The following ALDH3B1 variants were observed in gnomAD, a reference collection of about 807,000 sequenced individuals.
ALDH3B1 encodes aldehyde dehydrogenase 3 family member B1.
Under a neutral mutation model 46.2 loss-of-function variants are expected in ALDH3B1, and 37 were observed. The observed-to-expected ratio is 0.80, with a 90% confidence interval of 0.62 to 1.05. The LOEUF is 1.05. ALDH3B1 is among the 50% of genes least tolerant of loss of function. The pLI is 0.00. For missense variants in ALDH3B1, 603 were observed against 665.5 expected (o/e 0.91, Z 1.03); for synonymous variants, 283 against 281.0 (o/e 1.01, Z -0.07).
intron 6 of ALDH3B1, among the ~76,000 whole-genome samples, chr11:68,020,353 C>T (rs1406282356): frequency 1.3e-5 from 2 of 152,206 alleles, no homozygotes; most frequent in South Asian, 2.1e-4. Flanking sequence ...CATGCCTCAG[C>T]TTCCCAAGTA....
Position 68,026,124 on chromosome 11 carries a change from C to T in ALDH3B1, c.1216+16C>T, listed in dbSNP as rs916406321. ...GGAGGAGTGGGTAGGTGCCTGCTAC[C>T]CTGCCCTTCTGTTACCATTTGGTCA... On this transcript the variant is annotated intron_variant, in intron 9 of 9. Coordinates refer to ENST00000342456, the MANE Select transcript of ALDH3B1 (RefSeq NM_000694.4). 3 of 1,581,998 alleles carry T rather than the reference C, an allele frequency of 1.9e-6. No individual in the cohort carries two copies. Among genetic ancestry groups the T allele is most frequent in the Non-Finnish European group, 2.6e-6 (3 of 1,163,416 alleles).
At chr11:68,009,097 C>T (rs1351489082), upstream of ALDH3B1, among the ~76,000 whole-genome samples, 1 of 152,214 alleles carries the variant, frequency 6.6e-6, no homozygotes, top group Non-Finnish European at 1.5e-5. Context: ...GCAGAGGGGA[C>T]ATCCGAAACG....
chr11:68,017,629 A>G (rs1857380051), intron 2 of ALDH3B1: 1 of 152,186 alleles, frequency 6.6e-6, no homozygotes, highest in African/African-American at 2.4e-5. Flanking sequence ...CGAGAGCAGG[A>G]CAATGTCCCT....
At chr11:68,023,267 G>A (rs1210020048) in intron 8 of ALDH3B1, among the ~76,000 whole-genome samples, 8 of 118,764 alleles carry the variant, frequency 6.7e-5, no homozygotes, top group Admixed American at 1.8e-4. Flanking sequence ...CCCCTTCCCC[G>A]GCCCTCAGCC....
intron 1 of ALDH3B1, among the ~76,000 whole-genome samples, chr11:68,012,849 A>G (rs1005649273): frequency 2.6e-5 from 4 of 152,072 alleles, no homozygotes; most frequent in African/African-American, 9.7e-5. Context: ...TGGGTTTTCC[A>G]ATGTGAGGAG....
chr11:68,015,092 T>C, intron 1 of ALDH3B1: 1 of 524,842 alleles, frequency 1.9e-6, no homozygotes, highest in Admixed American at 3.6e-5. Context: ...CTGGGAGTGC[T>C]CACTGTTGGG....
chr11:68,018,592 G>A lies in ALDH3B1; in HGVS notation c.228G>A (p.Arg76=), dbSNP rs1319731995. 6.3e-7 allele frequency: 1 copy of A among 1,583,266 alleles called. No homozygotes were observed. The highest frequency in any genetic ancestry group is 1.8e-5 in the Admixed American group (1 of 55,378). Residue 76 remains arginine (R), a synonymous_variant, in exon 3 of 10, where the codon AGG becomes AGA. Transcript: ENST00000342456. Reference sequence around the variant, plus strand: ...AGGGCGAGGTCACCCTGGCCCTCAGGAACCTCCGGGCCTGGATGAAGGACG... The same window carrying A: ...AGGGCGAGGTCACCCTGGCCCTCAGAAACCTCCGGGCCTGGATGAAGGACG... ...ISQGEVTLAL[R]NLRAWMKDER...
chr11:68,026,806 T>G (rs930736318), intron 9 of ALDH3B1, among the ~76,000 whole-genome samples: 1 of 152,216 alleles, frequency 6.6e-6, no homozygotes, highest in African/African-American at 2.4e-5. Context: ...CCAGGCAAGC[T>G]GCCTCAGGTG....
At chr11:68,014,571 G>A (rs769498724) in intron 1 of ALDH3B1, among the ~76,000 whole-genome samples, 21 of 152,162 alleles carry the variant, frequency 1.4e-4, no homozygotes, top group East Asian at 3.9e-4. Flanking sequence ...CCTCTCCCCC[G>A]CCCTGATCCT....
Position 68,022,776 on chromosome 11 carries a change from G to A in ALDH3B1, c.1116+15G>A, listed in dbSNP as rs373603691. The stretch of plus-strand genomic sequence containing the variant: ...ACAGCAGCCAGGTGGGGGTGCGGCC[G>A]GGCTGGGCAGGGTCAGGAGCCCGCA... On this transcript the variant is annotated intron_variant, in intron 8 of 9. Transcript: ENST00000342456. 4.1e-5 allele frequency: 66 copies of A among 1,612,884 alleles called. No homozygotes were observed. The highest frequency in any genetic ancestry group is 9.9e-5 in the South Asian group (9 of 91,050).
In ALDH3B1 at chr11:68,021,827, G is replaced by T. The variant is rs769230507; in HGVS notation, c.905G>T (p.Arg302Leu). 31 of 1,613,646 alleles carry T rather than the reference G, an allele frequency of 1.9e-5. No individual in the cohort carries two copies. The Middle Eastern group carries it at 4.9e-4, about 26-fold the overall frequency. Residue 302 changes from arginine to leucine, a missense_variant, in exon 7 of 10, where the codon CGT becomes CTT. Coordinates refer to ENST00000342456, the MANE Select transcript of ALDH3B1 (RefSeq NM_000694.4). ...CTGCGGGCATTGCTGGGCTGCGGCC[G>T]TGTGGCCATTGGGGGCCAGAGCGAT... ...QRLRALLGCG[R>L]VAIGGQSDES...
chr11:68,010,599 G>A (rs1857209302), intron 1 of ALDH3B1, among the ~76,000 whole-genome samples: 1 of 152,188 alleles, frequency 6.6e-6, no homozygotes, highest in Non-Finnish European at 1.5e-5. Context: ...GTGGCAGCGA[G>A]GTCCCGGGCA....
upstream of ALDH3B1, among the ~76,000 whole-genome samples, chr11:68,009,019 A>G (rs1857179719): frequency 2.0e-5 from 3 of 152,074 alleles, no homozygotes; most frequent in South Asian, 6.2e-4. Flanking sequence ...GACTACAGGA[A>G]CCACCAAGGC....
rs142017671 is a variant in ALDH3B1 at position 68,023,595 on chromosome 11, G to A, written c.1116+834G>A. ...GCTGGGATTACAGGGATGAGCCACC[G>A]TGCCCGGCCACTTGAACTTTTTTTA... On this transcript the variant is annotated intron_variant, in intron 8 of 9. Coordinates refer to ENST00000342456, the MANE Select transcript of ALDH3B1 (RefSeq NM_000694.4). Among the ~76,000 whole-genome samples, 1,241 of 150,452 alleles carry A rather than the reference G, an allele frequency of 8.2e-3. 20 individuals are homozygous for A. Among genetic ancestry groups the A allele is most frequent in the African/African-American group, 0.029 (1,179 of 41,102 alleles).
chr11:68,012,041 G>T (rs952206986), intron 1 of ALDH3B1, among the ~76,000 whole-genome samples: 10 of 152,228 alleles, frequency 6.6e-5, no homozygotes, highest in African/African-American at 2.4e-4. Flanking sequence ...ATGCCATGCT[G>T]GGAGGATGCT....
At chr11:68,021,456 C>G in intron 6 of ALDH3B1, 29 bp from the exon 7 acceptor site, 1 of 1,587,546 alleles carries the variant, frequency 6.3e-7, no homozygotes, top group Non-Finnish European at 8.6e-7. Context: ...GGTCACTGAA[C>G]GGCCACTCTG....
At chr11:68,024,143 G>T (rs1289423826) in intron 8 of ALDH3B1, 2 of 152,284 alleles carry the variant, frequency 1.3e-5, no homozygotes, top group East Asian at 3.9e-4. Context: ...GTCTCCTGTA[G>T]AACATCCCCA....
intron 9 of ALDH3B1, among the ~76,000 whole-genome samples, chr11:68,027,288 C>G (rs76533701): frequency 0.019 from 2,896 of 152,312 alleles, 116 homozygotes; most frequent in African/African-American, 0.067. Context: ...TCTGAACGCC[C>G]TGGCCTGGGG....
chr11:68,019,922 C>A (rs1458034166), intron 6 of ALDH3B1, 126 bp downstream of exon 6: 2 of 1,080,618 alleles, frequency 1.9e-6, no homozygotes, highest in Non-Finnish European at 2.7e-6. Flanking sequence ...CTGGACCAGG[C>A]TGGGAGCAGT....
Sources: gnomAD v4.1 joint callset for allele counts (sites outside exome capture counted in the v4.1 genomes callset) on GRCh38, gnomAD v4.1.1 for gene constraint, MANE v1.5 for transcripts, NCBI Gene and HGNC (gene_info 2026-07-23, HGNC 2026-07-21) for gene names.